Variants in AGAP3 observed in about 807,000 individuals in gnomAD.
AGAP3 encodes arf-GAP with GTPase, ANK repeat and PH domain-containing protein 3.
A neutral mutation model predicts 96.9 loss-of-function variants in AGAP3; 24 were observed. The ratio of observed to expected loss-of-function variants is 0.25; its 90% confidence interval spans 0.18 to 0.35. The LOEUF (loss-of-function observed/expected upper bound fraction) is 0.35. Ranked by LOEUF, AGAP3 falls within the 10% of genes least tolerant of loss-of-function variation. AGAP3 has a pLI of 1.00. For synonymous variants in AGAP3, 563 were observed against 536.1 expected (o/e 1.05, Z -0.69); for missense variants, 876 against 1,254.2 (o/e 0.70, Z 4.55).
At chr7:151,090,909 A>G (rs976004977) in intron 1 of AGAP3, among the ~76,000 whole-genome samples, 3 of 152,070 alleles carry the variant, frequency 2.0e-5, no homozygotes, top group African/African-American at 7.2e-5. Context: ...GCACCACTGC[A>G]CTCCAGCCTG....
At chr7:151,095,754 CTTTG>C (rs1373275299) in intron 1 of AGAP3, among the ~76,000 whole-genome samples, 8 of 147,370 alleles carry the variant, frequency 5.4e-5, no homozygotes, top group Non-Finnish European at 1.2e-4. Context: ...GCCCCAGAGC[CTTTG>C]TTTGAGAAGA....
chr7:151,122,448 C>A (rs959502158), intron 8 of AGAP3, among the ~76,000 whole-genome samples: 5 of 152,156 alleles, frequency 3.3e-5, no homozygotes, highest in Admixed American at 6.5e-5. Flanking sequence ...GCGAACATAC[C>A]ATTCCGTGCT....
chr7:151,090,731 C>T (rs1798361052), intron 1 of AGAP3, among the ~76,000 whole-genome samples: 1 of 152,158 alleles, frequency 6.6e-6, no homozygotes, highest in Non-Finnish European at 1.5e-5. Flanking sequence ...ATCACGAGGT[C>T]AGGAGATCGA....
In AGAP3 at chr7:151,110,889, G is replaced by C. The variant is rs117755481; in HGVS notation, c.332-5904G>C. ...AGCTCATGTGGTGCTGTTGAAAATG[G>C]GGGATGCTGGAATGGAGCTGTTAGG... On this transcript the variant is annotated intron_variant, in intron 1 of 17. Coordinates refer to ENST00000397238, the MANE Select transcript of AGAP3 (RefSeq NM_031946.7). 1.6e-3 allele frequency among the ~76,000 whole-genome samples: 242 copies of C among 152,308 alleles called. 2 individuals are homozygous for C. Among genetic ancestry groups the C allele is most frequent in the East Asian group, 0.015 (78 of 5,182 alleles).
rs1459710629 is a variant in AGAP3, at chr7:151,114,517, C to T, written c.332-2276C>T. On this transcript the variant is annotated intron_variant, in intron 1 of 17. Transcript: ENST00000397238. This position sits in a 1 kb window ranked among gnomAD's most constrained non-coding sequence, Gnocchi z 4.4. ...GGCTCCCAGGGGCTGCCCCAGCAGG[C>T]CGGCTCCCCCGCGCCGCGCCGCCGT... Among the ~76,000 whole-genome samples the T allele has an allele frequency of 6.6e-6, 1 of 152,216 alleles. No individual in the cohort carries two copies.
At chr7:151,091,051 C>G (rs929513993) in intron 1 of AGAP3, among the ~76,000 whole-genome samples, 1 of 152,250 alleles carries the variant, frequency 6.6e-6, no homozygotes, top group Non-Finnish European at 1.5e-5. Context: ...TGTTTCTGTT[C>G]GTCCTGTGAC....
intron 9 of AGAP3, among the ~76,000 whole-genome samples, chr7:151,126,567 C>T (rs1326981833): frequency 1.7e-5 from 1 of 59,994 alleles, no homozygotes; most frequent in African/African-American, 6.5e-5. Flanking sequence ...GGGGGCGGGG[C>T]GGGGGGTATT....
chr7:151,107,855 C>T (rs1441696641), intron 1 of AGAP3, among the ~76,000 whole-genome samples: 1 of 152,188 alleles, frequency 6.6e-6, no homozygotes, highest in Non-Finnish European at 1.5e-5. Flanking sequence ...AGGTGCAACA[C>T]GGCATAGAGC....
intron 11 of AGAP3, 33 bp downstream of exon 11, chr7:151,134,601 G>C (rs768974213): frequency 1.3e-6 from 2 of 1,567,970 alleles, no homozygotes; most frequent in Non-Finnish European, 1.7e-6. Flanking sequence ...GGCCTGGGGG[G>C]TGGCTGCCTT....
At chr7:151,115,460 C>T (rs1283917108) in intron 1 of AGAP3, 1 of 1,015,750 alleles carries the variant, frequency 9.8e-7, no homozygotes, top group Non-Finnish European at 1.2e-6. Flanking sequence ...CCTTCCCCAG[C>T]CGCCGCGACC....
intron 7 of AGAP3, chr7:151,119,302 G>A (rs1799752440): frequency 6.3e-6 from 1 of 158,852 alleles, no homozygotes; most frequent in Non-Finnish European, 1.4e-5. Flanking sequence ...CTCTAGTGAG[G>A]GCAGTTGCGG....
chr7:151,128,808 C>G (rs1584771000), intron 10 of AGAP3, 124 bp downstream of exon 10: 1 of 824,704 alleles, frequency 1.2e-6, no homozygotes, highest in Admixed American at 2.1e-5. Flanking sequence ...TTTCAAATGG[C>G]TCATCCCTGG....
At chr7:151,091,748 T>TG (rs1304693349) in intron 1 of AGAP3, among the ~76,000 whole-genome samples, 4 of 152,228 alleles carry the variant, frequency 2.6e-5, no homozygotes, top group Admixed American at 6.5e-5. Context: ...CCTGGTACCC[T>TG]GCTCCATCCA....
At chr7:151,092,898 G>A (rs1397323495) in intron 1 of AGAP3, among the ~76,000 whole-genome samples, 1 of 152,118 alleles carries the variant, frequency 6.6e-6, no homozygotes, top group Non-Finnish European at 1.5e-5. Flanking sequence ...ATGGACCAGA[G>A]TTTAACTCTT....
chr7:151,085,888 A>C (rs1457609504), upstream of AGAP3: 1 of 152,290 alleles, frequency 6.6e-6, no homozygotes, highest in Non-Finnish European at 1.5e-5. Flanking sequence ...GCACTGCTGC[A>C]GCCGGCAGTG....
intron 1 of AGAP3, among the ~76,000 whole-genome samples, chr7:151,099,729 C>A (rs1023650989): frequency 2.0e-5 from 3 of 152,228 alleles, no homozygotes; most frequent in Non-Finnish European, 4.4e-5. Context: ...CCCTCGGGAC[C>A]GTGGGTCAGA....
rs370795549 is a variant in AGAP3 at position 151,139,094 on chromosome 7, C to T, written c.1666+781C>T. 4.6e-5 allele frequency among the ~76,000 whole-genome samples: 7 copies of T among 152,242 alleles called. No individual in the cohort carries two copies. Among genetic ancestry groups the T allele is most frequent in the African/African-American group, 1.4e-4 (6 of 41,456 alleles). ...GCCAGCTCTCCTCTCCTGTCCCTTG[C>T]GCTTTCCATGCCCTTGTCCTGAGTG... is the stretch of plus-strand genomic sequence containing the variant. On this transcript the variant is annotated intron_variant, in intron 12 of 17. Coordinates refer to ENST00000397238, the MANE Select transcript of AGAP3 (RefSeq NM_031946.7). This position sits in a 1 kb window ranked among gnomAD's most constrained non-coding sequence, Gnocchi z 4.9.
chr7:151,122,105 G>A (rs979135019), intron 8 of AGAP3, among the ~76,000 whole-genome samples: 1 of 152,218 alleles, frequency 6.6e-6, no homozygotes, highest in Non-Finnish European at 1.5e-5. Context: ...CTCACAATCT[G>A]GCTGGGGTGG....
chr7:151,127,456 C>T (rs1451669933), intron 9 of AGAP3, among the ~76,000 whole-genome samples: 2 of 152,178 alleles, frequency 1.3e-5, no homozygotes, highest in East Asian at 3.9e-4. Context: ...CACACTCAGC[C>T]CCCAGTTTGT....
Sources: gnomAD v4.1 joint callset for allele counts (sites outside exome capture counted in the v4.1 genomes callset) on GRCh38, gnomAD v4.1.1 for gene constraint, Gnocchi (gnomAD v3.1) non-coding constraint, MANE v1.5 for transcripts, NCBI Gene and HGNC (gene_info 2026-07-23, HGNC 2026-07-21) for gene names.